RBFOX2: variants seen among roughly 807,000 people sequenced by gnomAD.
RBFOX2 encodes the protein RNA binding protein fox-1 homolog 2.
RBFOX2 carries 10 observed loss-of-function variants against 49.1 expected under a neutral mutation model. The observed-to-expected ratio is 0.20, with a 90% CI of 0.13 to 0.35. RBFOX2 has a LOEUF of 0.35. RBFOX2 is among the 10% of genes least tolerant of loss of function. The pLI is 1.00. For missense variants in RBFOX2, 323 were observed against 486.9 expected (o/e 0.66, Z 3.17); for synonymous variants, 183 against 187.4 (o/e 0.98, Z 0.19).
At chr22:35,991,983 G>C (rs1450291696) in intron 1 of RBFOX2, among the ~76,000 whole-genome samples, 1 of 152,172 alleles carries the variant, frequency 6.6e-6, no homozygotes, top group East Asian at 1.9e-4. Context: ...TCACAACTCT[G>C]TGAGGTAGAA....
chr22:35,983,629 C>T (rs947165402), intron 1 of RBFOX2, among the ~76,000 whole-genome samples: 3 of 152,210 alleles, frequency 2.0e-5, no homozygotes, highest in South Asian at 2.1e-4. Flanking sequence ...TGCTTAACTA[C>T]GGCTACACAA....
chr22:36,028,587 C>T lies in RBFOX2; in HGVS notation c.-162G>A, dbSNP rs1184535656. 2.7e-5 allele frequency among the ~76,000 whole-genome samples: 4 copies of T among 148,396 alleles called. No homozygotes were observed. In the South Asian group the frequency reaches 8.3e-4, roughly 31 times the overall value. On this transcript the variant is annotated 5_prime_UTR_variant, in exon 1 of 14. Coordinates refer to the RBFOX2 transcript ENST00000438146. The stretch of plus-strand genomic sequence containing the variant: ...GCGGACTCCGCGCCCCTCCGCGCCT[C>T]GCGGCCGCCGCTCCTTGCCTGACCG...
At chr22:35,826,885 C>T (rs1955873109) in intron 1 of RBFOX2, among the ~76,000 whole-genome samples, 3 of 152,160 alleles carry the variant, frequency 2.0e-5, no homozygotes, top group South Asian at 2.1e-4. Context: ...GCCTCCTTCT[C>T]GCTCTCTCTC....
chr22:36,018,010 A>ACCCCTGT (rs1384045432), intron 1 of RBFOX2, among the ~76,000 whole-genome samples: 2 of 152,246 alleles, frequency 1.3e-5, no homozygotes, highest in African/African-American at 4.8e-5. Context: ...GGGGATAGAA[A>ACCCCTGT]GCAGACCAAG....
chr22:35,994,594 T>C (rs1354223172), intron 1 of RBFOX2: 2 of 151,858 alleles, frequency 1.3e-5, no homozygotes, highest in African/African-American at 2.4e-5. Flanking sequence ...TTTGTAGAAA[T>C]GGGGTCTCTC....
intron 1 of RBFOX2, among the ~76,000 whole-genome samples, chr22:36,011,303 G>A (rs569818835): frequency 1.3e-5 from 2 of 151,984 alleles, no homozygotes; most frequent in African/African-American, 2.4e-5. Context: ...GTATCTGCAG[G>A]GTATTCACGT....
At chr22:35,863,093 G>T (rs1329876537) in intron 1 of RBFOX2, among the ~76,000 whole-genome samples, 1 of 152,024 alleles carries the variant, frequency 6.6e-6, no homozygotes, top group Non-Finnish European at 1.5e-5. Context: ...GTCAGCTGGG[G>T]GGCAGGGGAG....
chr22:35,902,015 G>C, intron 1 of RBFOX2, among the ~76,000 whole-genome samples: 1 of 152,042 alleles, frequency 6.6e-6, no homozygotes, highest in East Asian at 1.9e-4. Flanking sequence ...TAGAGGCAGA[G>C]GTTGCAGTCA....
chr22:35,781,389 C>T (rs762109246), intron 3 of RBFOX2, among the ~76,000 whole-genome samples: 5 of 152,172 alleles, frequency 3.3e-5, no homozygotes, highest in Non-Finnish European at 5.9e-5. Flanking sequence ...GTCATATCGC[C>T]ACCTTATGTG....
intron 1 of RBFOX2, chr22:35,994,838 T>G (rs2058123231): frequency 6.6e-6 from 1 of 152,078 alleles, no homozygotes; most frequent in Non-Finnish European, 1.5e-5. Context: ...GGCCTGAGAG[T>G]GCAGCTCTAT....
upstream of RBFOX2, among the ~76,000 whole-genome samples, chr22:35,962,878 A>C (rs957118752): frequency 2.0e-5 from 3 of 152,042 alleles, no homozygotes; most frequent in Non-Finnish European, 2.9e-5. Context: ...CGCAGTGGCT[A>C]TGTCCTATGT....
intron 2 of RBFOX2, among the ~76,000 whole-genome samples, chr22:35,801,933 G>T (rs1949863993): frequency 1.3e-5 from 2 of 152,072 alleles, no homozygotes; most frequent in Non-Finnish European, 2.9e-5. Context: ...TGAAATTATA[G>T]AACTTGTGCT....
intron 1 of RBFOX2, among the ~76,000 whole-genome samples, chr22:35,880,692 T>C (rs1451967850): frequency 6.6e-6 from 1 of 152,232 alleles, no homozygotes; most frequent in Non-Finnish European, 1.5e-5. Flanking sequence ...CTTGTAATAA[T>C]ACATGTATTC....
chr22:35,936,006 T>C (rs570020542), intron 1 of RBFOX2, among the ~76,000 whole-genome samples: 1 of 152,178 alleles, frequency 6.6e-6, no homozygotes, highest in South Asian at 2.1e-4. Flanking sequence ...AAGAATCTTG[T>C]CTGCAGATGG....
At chr22:36,028,555 C>T in exon 1 of RBFOX2, 4 of 881,532 alleles carry the variant, frequency 4.5e-6, no homozygotes, top group Non-Finnish European at 5.4e-6. Flanking sequence ...TGCGTGCGTG[C>T]GCGCGAGCGG....
intron 1 of RBFOX2, among the ~76,000 whole-genome samples, chr22:35,945,105 T>A (rs957536793): frequency 6.6e-6 from 1 of 152,124 alleles, no homozygotes. Flanking sequence ...CAAAGGAAGA[T>A]ACAAAATGAA....
Position 35,925,457 on chromosome 22 carries a change from C to T in RBFOX2, c.-34+13390G>A, listed in dbSNP as rs550037953. On this transcript the variant is annotated intron_variant, in intron 1 of 13. Transcript: ENST00000359369. ...AGGTGGGAGGATCACTTACTTGAGC[C>T]CAGGAGTTCGAGGCTCCGCCACTGC... 3.6e-4 allele frequency among the ~76,000 whole-genome samples: 55 copies of T among 152,114 alleles called. 1 individual carries two copies. Among genetic ancestry groups the T allele is most frequent in the African/African-American group, 1.3e-3 (52 of 41,502 alleles).
chr22:36,000,521 T>A (rs1569521362), intron 1 of RBFOX2: 2 of 152,024 alleles, frequency 1.3e-5, no homozygotes, highest in Non-Finnish European at 2.9e-5. Flanking sequence ...ATTAACAGCC[T>A]TTGTATTACA....
chr22:35,936,685 C>A (rs1002613267), intron 1 of RBFOX2, among the ~76,000 whole-genome samples: 1 of 152,136 alleles, frequency 6.6e-6, no homozygotes, highest in African/African-American at 2.4e-5. Context: ...AACAGGCCTG[C>A]AGCAGAGACA....
Sources: allele counts gnomAD v4.1 joint callset (sites outside exome capture counted in the v4.1 genomes callset), GRCh38; gene constraint gnomAD v4.1.1; transcripts MANE v1.5; gene names NCBI Gene and HGNC (gene_info 2026-07-23, HGNC 2026-07-21).